Variants in FBN1 observed in about 807,000 individuals in gnomAD.
FBN1 encodes the protein fibrillin-1.
Under a neutral mutation model 365.1 loss-of-function variants are expected in FBN1, and 29 were observed. That is an observed-to-expected ratio of 0.08 (90% CI 0.06 to 0.11). The LOEUF is 0.11. FBN1 is among the 10% of genes least tolerant of loss of function. FBN1 has a pLI of 1.00. For synonymous variants in FBN1, 1,210 were observed against 1,270.5 expected, an observed-to-expected ratio of 0.95 and a Z score of 1.01; for missense variants, 2,476 against 3,703.2, an observed-to-expected ratio of 0.67 and a Z score of 8.60.
intron 24 of FBN1, among the ~76,000 whole-genome samples, chr15:48,492,165 T>C (rs1246516725): frequency 1.3e-5 from 2 of 152,176 alleles, no homozygotes; most frequent in East Asian, 3.9e-4. Context: ...ATTGTTCTTT[T>C]CTCCACCACT....
chr15:48,622,049 C>G (rs201827518), intron 2 of FBN1, among the ~76,000 whole-genome samples: 2 of 151,736 alleles, frequency 1.3e-5, no homozygotes, highest in African/African-American at 4.8e-5. Context: ...AAATATACCA[C>G]GCTAGTATGA....
chr15:48,420,522 G>A (rs2042931956), intron 63 of FBN1, among the ~76,000 whole-genome samples, 165 bp downstream of exon 63: 1 of 152,058 alleles, frequency 6.6e-6, no homozygotes. Flanking sequence ...TTAGTTTGCT[G>A]TTTTGCAAAG....
intron 5 of FBN1, among the ~76,000 whole-genome samples, chr15:48,596,618 C>G (rs181840744): frequency 1.5e-3 from 236 of 152,338 alleles, no homozygotes; most frequent in Admixed American, 3.5e-3. Context: ...CGTGAAGCAT[C>G]TGAGCAATGC....
intron 63 of FBN1, among the ~76,000 whole-genome samples, chr15:48,419,918 T>A (rs2042927171): frequency 6.6e-6 from 1 of 152,184 alleles, no homozygotes. Flanking sequence ...ATCAGAAAGT[T>A]AAGAGTTGTG....
At chr15:48,606,544 A>G (rs528283229) in intron 4 of FBN1, among the ~76,000 whole-genome samples, 58 of 152,350 alleles carry the variant, frequency 3.8e-4, no homozygotes, top group African/African-American at 1.2e-3. Context: ...AAAATTATAG[A>G]AATGTAGAAC....
At chr15:48,629,737 C>G (rs1889949671) in intron 2 of FBN1, among the ~76,000 whole-genome samples, 2 of 152,160 alleles carry the variant, frequency 1.3e-5, no homozygotes, top group South Asian at 4.1e-4. Context: ...ATCCTTCTTG[C>G]TAGTTTTGAA....
intron 62 of FBN1, 133 bp downstream of exon 62, chr15:48,421,425 A>T: frequency 9.6e-7 from 1 of 1,042,030 alleles, no homozygotes; most frequent in Non-Finnish European, 1.4e-6. Context: ...ACCTGTGCAC[A>T]CTATTTTAGC....
At chr15:48,445,643 A>G (rs928877815) in intron 47 of FBN1, 139 bp from the exon 48 acceptor site, 4 of 838,498 alleles carry the variant, frequency 4.8e-6, no homozygotes, top group Non-Finnish European at 7.7e-6. Context: ...AGAAATGCCA[A>G]TGAAGATCTA....
chr15:48,596,329 A>G lies in FBN1; in HGVS notation c.492T>C (p.Asn164=), dbSNP rs778007582. Residue 164 remains asparagine, a synonymous_variant, in exon 6 of 66, where the codon AAT becomes AAC. Transcript: ENST00000316623. ...CLNGGRCVAP[N]RCACTYGFTG... is the part of the protein sequence containing the mutation. ...TAAATCCGTAAGTGCATGCACATCGATTTGGGGCCACACACCTTCCTCCAT... is the reference window on the plus strand; with the variant it reads ...TAAATCCGTAAGTGCATGCACATCGGTTTGGGGCCACACACCTTCCTCCAT... 1.6e-5 allele frequency: 26 copies of G among 1,613,918 alleles called. No homozygotes were observed. The highest frequency in any genetic ancestry group is 2.2e-5 in the Non-Finnish European group (26 of 1,179,930).
intron 3 of FBN1, among the ~76,000 whole-genome samples, chr15:48,612,514 C>T (rs1489343058): frequency 2.0e-5 from 3 of 152,290 alleles, no homozygotes; most frequent in African/African-American, 7.2e-5. Flanking sequence ...CAGCAGAAAT[C>T]AATAGAGGAA....
chr15:48,554,031 C>T (rs936297825), intron 6 of FBN1, among the ~76,000 whole-genome samples: 1 of 152,118 alleles, frequency 6.6e-6, no homozygotes, highest in African/African-American at 2.4e-5. Flanking sequence ...AAGAAATTTG[C>T]CCAAGGTTCT....
intron 38 of FBN1, 44 bp from the exon 39 acceptor site, chr15:48,465,902 T>G (rs752144754): frequency 1.5e-6 from 2 of 1,336,552 alleles, no homozygotes; most frequent in South Asian, 1.2e-5. Context: ...GAATCTAAAG[T>G]TTTTAGAAAT....
At chr15:48,511,145 G>A (rs757679097) in intron 13 of FBN1, among the ~76,000 whole-genome samples, 14 of 152,176 alleles carry the variant, frequency 9.2e-5, no homozygotes, top group African/African-American at 1.4e-4. Context: ...CAATGAGCAC[G>A]TGCGTTCATG....
At chr15:48,560,637 G>A (rs1345633469) in intron 6 of FBN1, among the ~76,000 whole-genome samples, 3 of 152,106 alleles carry the variant, frequency 2.0e-5, no homozygotes, top group South Asian at 2.1e-4. Flanking sequence ...GGTTGTCTTC[G>A]TATGAGCACA....
At position 48,545,108 on chromosome 15, in the gene FBN1, AATTT is replaced by A. The variant is rs2044084843; in HGVS notation, c.539-7304_539-7301del. On this transcript the variant is annotated intron_variant, in intron 6 of 65. Transcript: ENST00000316623. ...GACAAAAACAATAATATTGTATAAC[AATTT>A]ATTTGTTCTTTTATATTTTTTCAAA... Among the ~76,000 whole-genome samples the A allele has an allele frequency of 2.6e-5, 4 of 152,316 alleles. No homozygotes were observed. In the South Asian group the frequency reaches 8.3e-4, roughly 32 times the overall value.
At chr15:48,416,987 T>C (rs1378167228) in intron 63 of FBN1, among the ~76,000 whole-genome samples, 1 of 152,200 alleles carries the variant, frequency 6.6e-6, no homozygotes, top group Non-Finnish European at 1.5e-5. Context: ...GGTATTATAT[T>C]CTCTGTTTTA....
intron 6 of FBN1, among the ~76,000 whole-genome samples, chr15:48,550,832 G>A (rs1184187210): frequency 6.6e-6 from 1 of 151,982 alleles, no homozygotes; most frequent in Non-Finnish European, 1.5e-5. Context: ...AAACTCCATG[G>A]TAAACTCTCA....
rs2043336065 is a variant in FBN1, at chr15:48,467,920, A to G, written c.4747+18T>C. On this transcript the variant is annotated intron_variant, in intron 38 of 65. Coordinates refer to ENST00000316623, the MANE Select transcript of FBN1 (RefSeq NM_000138.5). ...GGCTGGAGTTGAAATAATAATAAAT[A>G]GGAGGATGTCCACTTACATGTGTTC... is the stretch of plus-strand genomic sequence containing the variant. 1.2e-6 allele frequency: 2 copies of G among 1,606,460 alleles called. No homozygotes were observed. The highest frequency in any genetic ancestry group is 2.2e-5 in the South Asian group (2 of 90,920).
At chr15:48,562,261 T>G (rs956478465) in intron 6 of FBN1, among the ~76,000 whole-genome samples, 3 of 152,186 alleles carry the variant, frequency 2.0e-5, no homozygotes, top group Admixed American at 2.0e-4. Context: ...CTGGGACATC[T>G]TCAGTAATTT....
Sources: allele counts gnomAD v4.1 joint callset (sites outside exome capture counted in the v4.1 genomes callset), GRCh38; gene constraint gnomAD v4.1.1; transcripts MANE v1.5; gene names NCBI Gene and HGNC (gene_info 2026-07-23, HGNC 2026-07-21).